The following PRKN variants were observed in gnomAD, a reference collection of about 807,000 sequenced individuals.
PRKN encodes the protein parkin RBR E3 ubiquitin protein ligase, also known as E3 ubiquitin-protein ligase parkin.
In PRKN, 56 loss-of-function variants were observed where a neutral mutation model predicts 59.5. That is an observed-to-expected ratio of 0.94 (90% CI 0.76 to 1.18). PRKN has a LOEUF of 1.18. PRKN is among the 50% of genes most tolerant of loss of function. The probability of loss-of-function intolerance (pLI) is 0.00; values close to 1 mark genes in which losing one functional copy is unlikely to be tolerated. For synonymous variants in PRKN, 250 were observed against 222.1 expected (o/e 1.13, Z -1.12); for missense variants, 657 against 596.4 (o/e 1.10, Z -1.06).
intron 1 of PRKN, among the ~76,000 whole-genome samples, chr6:162,686,859 T>C (rs999614704): frequency 3.3e-5 from 5 of 152,198 alleles, no homozygotes; most frequent in Admixed American, 2.6e-4. Context: ...TTCTCTATTC[T>C]GTTTCATTGA....
In PRKN at chr6:161,447,166, TC is replaced by T. The variant is rs1475793156; in HGVS notation, c.1084-60290del. ...CTTTCCTGCTACTAGGACAGTTAAG[TC>T]CCCCTGTGAAGTTAACCGAAAGCTG... On this transcript the variant is annotated intron_variant, in intron 9 of 11. Coordinates refer to ENST00000366898, the MANE Select transcript of PRKN (RefSeq NM_004562.3). The surrounding 1 kb of genome is among the most constrained non-coding windows in gnomAD (Gnocchi z 4.1). Among the ~76,000 whole-genome samples, 1 of 152,112 alleles carries T rather than the reference TC, an allele frequency of 6.6e-6. No individual in the cohort carries two copies. Among genetic ancestry groups the T allele is most frequent in the Non-Finnish European group, 1.5e-5 (1 of 68,008 alleles).
At chr6:162,029,410 T>A (rs1783556522) in intron 5 of PRKN, among the ~76,000 whole-genome samples, 1 of 152,226 alleles carries the variant, frequency 6.6e-6, no homozygotes, top group Non-Finnish European at 1.5e-5. Context: ...GTAAGGCAAG[T>A]TCCTGAAGTT....
chr6:161,571,352 T>C (rs1388264979), intron 7 of PRKN, among the ~76,000 whole-genome samples: 1 of 152,252 alleles, frequency 6.6e-6, no homozygotes, highest in African/African-American at 2.4e-5. Context: ...GGAAACTGGA[T>C]TGTATGCAGG....
At position 161,957,394 on chromosome 6, in the gene PRKN, TTTGTTGTTC is replaced by T. The variant is rs1303404531; in HGVS notation, c.734+15899_734+15907del. 2.7e-5 allele frequency among the ~76,000 whole-genome samples: 4 copies of T among 150,354 alleles called. No homozygotes were observed. The East Asian group carries it at 7.8e-4, about 29-fold the overall frequency. On this transcript the variant is annotated intron_variant, in intron 6 of 11. Coordinates refer to ENST00000366898, the MANE Select transcript of PRKN (RefSeq NM_004562.3). ...GCAAATCCATGTCTGTTTTTATTTT[TTTGTTGTTC>T]TTGTTGTTTTTTTTTTGTTTGTTTG... is the stretch of plus-strand genomic sequence containing the variant.
At chr6:162,210,397 C>A (rs1436338775) in intron 3 of PRKN, among the ~76,000 whole-genome samples, 1 of 152,024 alleles carries the variant, frequency 6.6e-6, no homozygotes, top group Non-Finnish European at 1.5e-5. Context: ...GTATTTGCTG[C>A]CAAAAAAATT....
chr6:161,516,491 AAAG>A (rs1269074997), intron 9 of PRKN, among the ~76,000 whole-genome samples: 23,051 of 54,976 alleles, frequency 0.42, 5,572 homozygotes, highest in Middle Eastern at 0.5. Flanking sequence ...AAAAAAAAAA[AAAG>A]AAGAAGAAGA....
In PRKN at chr6:162,500,424, A is replaced by T. The variant is rs1304173532; in HGVS notation, c.8-56951T>A. 2.9e-3 allele frequency among the ~76,000 whole-genome samples: 115 copies of T among 39,720 alleles called. 2 individuals are homozygous for T. The highest frequency in any genetic ancestry group is 8.5e-4 in the Non-Finnish European group (14 of 16,494). 26.1% of individuals were successfully genotyped at this position (39,720 alleles called of 152,430 possible). A position where few individuals can be genotyped will look rare whatever the true frequency, so the allele number is the denominator to read the frequency against. On this transcript the variant is annotated intron_variant, in intron 1 of 11. Coordinates refer to ENST00000366898, the MANE Select transcript of PRKN (RefSeq NM_004562.3). ...CGACCTCAGGTGATCCACCCGCCTCAGACTCCTAAAGTGCTGGGATTACAG... is the reference window on the plus strand; with the variant it reads ...CGACCTCAGGTGATCCACCCGCCTCTGACTCCTAAAGTGCTGGGATTACAG...
At chr6:161,555,426 G>C (rs539917572) in intron 8 of PRKN, among the ~76,000 whole-genome samples, 1 of 54,446 alleles carries the variant, frequency 1.8e-5, no homozygotes, top group South Asian at 5.1e-4. Flanking sequence ...CTGTTGCTCA[G>C]TTTTACATGA....
chr6:162,010,284 AAT>A (rs1266424571), intron 5 of PRKN, among the ~76,000 whole-genome samples: 5 of 125,284 alleles, frequency 4.0e-5, no homozygotes, highest in African/African-American at 1.6e-4. Flanking sequence ...ATGTATGATA[AAT>A]ATATTTTATA....
intron 4 of PRKN, among the ~76,000 whole-genome samples, chr6:162,108,225 A>G (rs1780275064): frequency 6.6e-6 from 1 of 152,152 alleles, no homozygotes; most frequent in Non-Finnish European, 1.5e-5. Flanking sequence ...TGCCAAGCCA[A>G]AAGAGAAAGA....
chr6:161,665,237 C>A (rs1354304621), intron 7 of PRKN, among the ~76,000 whole-genome samples: 2 of 151,932 alleles, frequency 1.3e-5, no homozygotes, highest in African/African-American at 4.8e-5. Flanking sequence ...GTTCCTAAAT[C>A]TGGGATATGG....
At chr6:162,320,152 C>T (rs9365401) in intron 2 of PRKN, among the ~76,000 whole-genome samples, 91,080 of 151,314 alleles carry the variant, frequency 0.6, 27,838 homozygotes, top group Middle Eastern at 0.68. Context: ...TCCATGTTTT[C>T]TATGGTTAAA....
chr6:162,341,011 T>G (rs1190157931), intron 2 of PRKN, among the ~76,000 whole-genome samples: 1 of 152,002 alleles, frequency 6.6e-6, no homozygotes, highest in Non-Finnish European at 1.5e-5. Flanking sequence ...ATTTTTGCAA[T>G]CTATCTATCT....
At chr6:162,439,855 G>T (rs1789968959) in intron 2 of PRKN, among the ~76,000 whole-genome samples, 1 of 152,030 alleles carries the variant, frequency 6.6e-6, no homozygotes, top group South Asian at 2.1e-4. Context: ...TGAAAAATAT[G>T]TATTAATCAA....
chr6:161,749,341 A>G (rs143442194), intron 7 of PRKN, among the ~76,000 whole-genome samples: 174 of 152,320 alleles, frequency 1.1e-3, no homozygotes, highest in African/African-American at 4.0e-3. Flanking sequence ...ATATGTACGC[A>G]CATACACATG....
chr6:161,602,683 A>T (rs1782150105), intron 7 of PRKN, among the ~76,000 whole-genome samples: 1 of 152,232 alleles, frequency 6.6e-6, no homozygotes, highest in Non-Finnish European at 1.5e-5. Context: ...TCTTTCTCTG[A>T]ACTTAAAAAT....
In PRKN at chr6:162,277,958, A is replaced by T. The variant is rs117353286; in HGVS notation, c.172-15193T>A. Among the ~76,000 whole-genome samples the T allele has an allele frequency of 1.6e-3, 245 of 152,362 alleles. 6 individuals carry two copies. In the East Asian group the frequency reaches 0.025, roughly 16 times the overall value. On this transcript the variant is annotated intron_variant, in intron 2 of 11. Coordinates refer to ENST00000366898, the MANE Select transcript of PRKN (RefSeq NM_004562.3). ...TTGAAAACTAAAATCATGTCCACAC[A>T]AAAGCCTGCACACAGATGTTTACAG...
chr6:161,643,311 G>T (rs758403148), intron 7 of PRKN, among the ~76,000 whole-genome samples: 3 of 152,116 alleles, frequency 2.0e-5, no homozygotes, highest in Non-Finnish European at 4.4e-5. Flanking sequence ...TTAAACCGGA[G>T]GGAGGAGAAA....
At chr6:161,438,330 G>A (rs1202550368) in intron 9 of PRKN, among the ~76,000 whole-genome samples, 5 of 146,250 alleles carry the variant, frequency 3.4e-5, no homozygotes, top group East Asian at 4.0e-4. Flanking sequence ...TGATTCTCCT[G>A]CCTCAGCCTC....
Sources: gnomAD v4.1 joint callset for allele counts (sites outside exome capture counted in the v4.1 genomes callset) on GRCh38, gnomAD v4.1.1 for gene constraint, Gnocchi (gnomAD v3.1) non-coding constraint, MANE v1.5 for transcripts, NCBI Gene and HGNC (gene_info 2026-07-23, HGNC 2026-07-21) for gene names.